RCBTB1: variants seen among roughly 807,000 people sequenced by gnomAD.
The protein encoded by RCBTB1 is RCC1 and BTB domain containing protein 1.
RCBTB1 carries 46 observed loss-of-function variants against 62.4 expected under a neutral mutation model. That is an observed-to-expected ratio of 0.74 (90% CI 0.58 to 0.94). The LOEUF (loss-of-function observed/expected upper bound fraction) is 0.94, where lower values mean the gene tolerates loss of function less well. Among genes scored for constraint, RCBTB1 ranks in the 40% least tolerant of loss-of-function variants. The probability of loss-of-function intolerance (pLI) is 0.00; values close to 1 mark genes in which losing one functional copy is unlikely to be tolerated. For synonymous variants in RCBTB1, 222 were observed against 245.8 expected (o/e 0.90, Z 0.91); for missense variants, 565 against 654.9 (o/e 0.86, Z 1.50).
chr13:49,566,028 A>C (rs1472352400), intron 4 of RCBTB1, among the ~76,000 whole-genome samples: 2 of 148,326 alleles, frequency 1.3e-5, no homozygotes, highest in African/African-American at 5.1e-5. Flanking sequence ...AGGGCGGTGC[A>C]AGATGTGCTT....
At chr13:49,546,512 TTTA>T (rs1960798775) in intron 9 of RCBTB1, 1 of 165,998 alleles carries the variant, frequency 6.0e-6, no homozygotes, top group African/African-American at 2.4e-5. Context: ...GCACTTAATT[TTTA>T]TTATTGTTAC....
intron 1 of RCBTB1, among the ~76,000 whole-genome samples, chr13:49,582,190 G>A (rs926660756): frequency 3.9e-5 from 6 of 152,214 alleles, no homozygotes; most frequent in Admixed American, 2.6e-4. Flanking sequence ...ATCTGAAGCA[G>A]AAGTGCAACA....
At chr13:49,565,951 CTA>C (rs1962960520) in intron 4 of RCBTB1, among the ~76,000 whole-genome samples, 1 of 151,244 alleles carries the variant, frequency 6.6e-6, no homozygotes, top group African/African-American at 2.5e-5. Context: ...TGCTGTTGAT[CTA>C]TGACCTTACC....
chr13:49,583,329 C>T (rs183052856), intron 1 of RCBTB1, among the ~76,000 whole-genome samples: 179 of 152,100 alleles, frequency 1.2e-3, no homozygotes, highest in African/African-American at 3.9e-3. Flanking sequence ...TTTAGAGGTA[C>T]CCATCTGGTC....
intron 4 of RCBTB1, 59 bp downstream of exon 4, chr13:49,566,559 C>T: frequency 6.5e-7 from 1 of 1,540,788 alleles, no homozygotes. Flanking sequence ...CTCCCCTAAG[C>T]TTAGAATTAA....
Position 49,585,454 on chromosome 13 carries a change from A to AGCTGCTGCCGCGCCGTCC in RCBTB1, c.-150_-133dup, listed in dbSNP as rs1460556673. 3 of 152,252 alleles carry AGCTGCTGCCGCGCCGTCC rather than the reference A, an allele frequency of 2.0e-5. No homozygotes were observed. Among genetic ancestry groups the AGCTGCTGCCGCGCCGTCC allele is most frequent in the African/African-American group, 7.2e-5 (3 of 41,452 alleles). 9.4% of individuals were successfully genotyped at this position (152,252 alleles called of 1,614,324 possible). ...GCGCCCACACGCTACCTGCGAGGTC[A>AGCTGCTGCCGCGCCGTCC]GCTGCTGCCGCGCCGTCCCGCGGGA... On this transcript the variant is annotated 5_prime_UTR_variant, in exon 1 of 13. Coordinates refer to ENST00000378302, the MANE Select transcript of RCBTB1 (RefSeq NM_018191.4).
chr13:49,542,208 C>T (rs1960427885), intron 10 of RCBTB1, among the ~76,000 whole-genome samples: 1 of 80,006 alleles, frequency 1.2e-5, no homozygotes, highest in African/African-American at 5.3e-5. Context: ...AGCAAAACTC[C>T]GTCTCAAAAA....
chr13:49,541,293 C>T (rs1960341853), intron 11 of RCBTB1, among the ~76,000 whole-genome samples: 1 of 152,176 alleles, frequency 6.6e-6, no homozygotes, highest in Non-Finnish European at 1.5e-5. Flanking sequence ...GCAACTTATA[C>T]TTCACTACTA....
intron 5 of RCBTB1, among the ~76,000 whole-genome samples, chr13:49,558,421 G>A (rs767855792): frequency 1.3e-5 from 2 of 152,112 alleles, no homozygotes; most frequent in African/African-American, 2.4e-5. Flanking sequence ...GGCTTGTCAT[G>A]GTGGCTATGC....
intron 5 of RCBTB1, among the ~76,000 whole-genome samples, chr13:49,558,003 T>G (rs1032093824): frequency 2.0e-5 from 3 of 152,212 alleles, no homozygotes; most frequent in Admixed American, 6.5e-5. Flanking sequence ...AAACAAAGTG[T>G]GGCTTACAGC....
intron 6 of RCBTB1, among the ~76,000 whole-genome samples, chr13:49,553,384 T>C (rs6561542): frequency 0.83 from 126,484 of 152,132 alleles, 52,683 homozygotes; most frequent in East Asian, 0.9. Context: ...CGTTAGCAAA[T>C]AGGTGAGCTC....
At chr13:49,543,153 A>G (rs969231249) in intron 10 of RCBTB1, among the ~76,000 whole-genome samples, 1 of 152,148 alleles carries the variant, frequency 6.6e-6, no homozygotes, top group African/African-American at 2.4e-5. Flanking sequence ...AATCCCAGCT[A>G]CTTGGGAGGC....
rs2139233499 is a variant in RCBTB1 at position 49,560,216 on chromosome 13, T to C, written c.278-132A>G. Reference sequence around the variant, plus strand: ...CCATTGCCCCCTCCTCTCTATTAAGTAACCATGGACAGAGTAAAGGAGAGA... The same window carrying C: ...CCATTGCCCCCTCCTCTCTATTAAGCAACCATGGACAGAGTAAAGGAGAGA... On this transcript the variant is annotated intron_variant, in intron 4 of 12. Coordinates refer to ENST00000378302, the MANE Select transcript of RCBTB1 (RefSeq NM_018191.4). 6 of 936,268 alleles carry C rather than the reference T, an allele frequency of 6.4e-6. No homozygotes were observed. The East Asian group carries it at 1.5e-4, about 23-fold the overall frequency. The allele number at this position is 936,268 out of a possible 1,614,324, so 58.0% of individuals were successfully genotyped here. A position where few individuals can be genotyped will look rare whatever the true frequency, so the allele number is the denominator to read the frequency against.
intron 5 of RCBTB1, among the ~76,000 whole-genome samples, chr13:49,559,133 T>G (rs1878416904): frequency 1.3e-5 from 2 of 152,250 alleles, no homozygotes; most frequent in African/African-American, 4.8e-5. Flanking sequence ...TTGCTTAAAG[T>G]TGTAGTTTCC....
intron 12 of RCBTB1, among the ~76,000 whole-genome samples, chr13:49,534,764 T>G (rs1016641796): frequency 6.6e-6 from 1 of 152,222 alleles, no homozygotes; most frequent in Non-Finnish European, 1.5e-5. Flanking sequence ...CCGGGCACGG[T>G]GGCTCACGCC....
At position 49,555,623 on chromosome 13, in the gene RCBTB1, T is replaced by G. The variant is rs1566238549; in HGVS notation, c.495A>C (p.Thr165=). 6.2e-7 allele frequency: 1 copy of G among 1,613,024 alleles called. No individual in the cohort carries two copies. Among genetic ancestry groups the G allele is most frequent in the Admixed American group, 1.7e-5 (1 of 59,834 alleles). Residue 165 remains threonine (T), a synonymous_variant, in exon 6 of 13, where the codon ACA becomes ACC. Transcript: ENST00000378302. The part of the protein sequence containing the change: ...NNCGQVGSGS[T]ANQPTPRKVT... ...CTTTTCGAGGAGTTGGTTGATTTGC[T>G]GTAGAACCTGATCCCACTTGGCCAC... is the stretch of plus-strand genomic sequence containing the variant.
intron 1 of RCBTB1, among the ~76,000 whole-genome samples, chr13:49,582,576 G>A (rs540743069): frequency 1.5e-4 from 23 of 152,362 alleles, no homozygotes; most frequent in African/African-American, 3.8e-4. Context: ...GAGGAGGAAA[G>A]GGTGAATGTG....
intron 8 of RCBTB1, 150 bp downstream of exon 8, chr13:49,551,176 G>A (rs932671837): frequency 2.5e-6 from 2 of 795,622 alleles, no homozygotes; most frequent in Admixed American, 5.8e-5. Flanking sequence ...AGGAGGAAGG[G>A]GGAAGGGAGA....
At chr13:49,541,092 C>A (rs1053080353) in intron 11 of RCBTB1, 86 bp from the exon 12 acceptor site, 18 of 1,196,222 alleles carry the variant, frequency 1.5e-5, no homozygotes, top group Middle Eastern at 2.0e-4. Flanking sequence ...CAGAGGTGTA[C>A]AGGTAAATTA....
Sources: gnomAD v4.1 joint callset for allele counts (sites outside exome capture counted in the v4.1 genomes callset) on GRCh38, gnomAD v4.1.1 for gene constraint, MANE v1.5 for transcripts, NCBI Gene and HGNC (gene_info 2026-07-23, HGNC 2026-07-21) for gene names.